The following PDE4D variants were observed in gnomAD, a reference collection of about 807,000 sequenced individuals.
The protein encoded by PDE4D is phosphodiesterase 4D, also known as 3',5'-cyclic-AMP phosphodiesterase 4D.
PDE4D carries 24 observed loss-of-function variants against 87.4 expected under a neutral mutation model. That is an observed-to-expected ratio of 0.27 (90% CI 0.20 to 0.39). The LOEUF is 0.39. Among genes scored for constraint, PDE4D ranks in the 10% least tolerant of loss-of-function variants. The pLI, the probability that PDE4D is intolerant of heterozygous loss-of-function variation, is 1.00. For synonymous variants in PDE4D, 384 were observed against 383.2 expected, an observed-to-expected ratio of 1.00 and a Z score of -0.02; for missense variants, 714 against 1,041.0, an observed-to-expected ratio of 0.69 and a Z score of 4.32.
chr5:59,883,665 G>A (rs1005529586), intron 1 of PDE4D, among the ~76,000 whole-genome samples: 1 of 152,032 alleles, frequency 6.6e-6, no homozygotes, highest in African/African-American at 2.4e-5. Flanking sequence ...AATTCTCAGA[G>A]TTAATAGCAA....
At chr5:59,969,910 T>A (rs1329981463) in intron 3 of PDE4D, among the ~76,000 whole-genome samples, 1 of 152,196 alleles carries the variant, frequency 6.6e-6, no homozygotes, top group African/African-American at 2.4e-5. Flanking sequence ...TTTATAGCAG[T>A]GTGAGAACGG....
chr5:59,743,630 A>G (rs764555240), intron 1 of PDE4D, among the ~76,000 whole-genome samples: 2 of 152,062 alleles, frequency 1.3e-5, no homozygotes, highest in African/African-American at 2.4e-5. Flanking sequence ...ATGAAAAAAT[A>G]TATTAAAAAT....
intron 5 of PDE4D, chr5:59,157,365 A>G (rs780064617): frequency 1.3e-5 from 9 of 702,418 alleles, no homozygotes; most frequent in Non-Finnish European, 2.3e-5. Flanking sequence ...CCAGGATCCT[A>G]AGGAAAAAGA....
chr5:59,418,644 A>C (rs1336392700), intron 1 of PDE4D, among the ~76,000 whole-genome samples: 1 of 151,166 alleles, frequency 6.6e-6, no homozygotes, highest in African/African-American at 2.5e-5. Context: ...GGATTTACCT[A>C]ACAATTTTTT....
intron 6 of PDE4D, among the ~76,000 whole-genome samples, chr5:59,001,542 A>G (rs1457279720): frequency 6.6e-6 from 1 of 152,202 alleles, no homozygotes; most frequent in Non-Finnish European, 1.5e-5. Flanking sequence ...AGCTACCCCC[A>G]GAGGAATACT....
At chr5:59,726,640 TTTG>T (rs1396729900) in intron 1 of PDE4D, among the ~76,000 whole-genome samples, 30 of 152,250 alleles carry the variant, frequency 2.0e-4, no homozygotes, top group Non-Finnish European at 4.4e-5. Flanking sequence ...ATTATAGTAT[TTTG>T]TTGTAGCAGC....
intron 1 of PDE4D, among the ~76,000 whole-genome samples, chr5:59,852,602 G>A (rs766970770): frequency 6.6e-6 from 1 of 152,058 alleles, no homozygotes; most frequent in Admixed American, 6.6e-5. Flanking sequence ...AATATCATGA[G>A]AGAGTCAGCT....
intron 1 of PDE4D, among the ~76,000 whole-genome samples, chr5:59,723,624 G>C (rs1344533582): frequency 6.6e-6 from 1 of 152,076 alleles, no homozygotes; most frequent in Non-Finnish European, 1.5e-5. Flanking sequence ...GGAATGGCAA[G>C]GGCCTATTTG....
chr5:59,216,012 A>G, intron 1 of PDE4D, 44 bp from the exon 2 acceptor site: 3 of 1,414,474 alleles, frequency 2.1e-6, no homozygotes, highest in Non-Finnish European at 2.9e-6. Flanking sequence ...GAACATTCAC[A>G]TGTTCATATT....
At chr5:59,472,547 G>A (rs1036216474) in intron 1 of PDE4D, among the ~76,000 whole-genome samples, 3 of 152,004 alleles carry the variant, frequency 2.0e-5, no homozygotes, top group Non-Finnish European at 2.9e-5. Context: ...CATCTCCTGC[G>A]AATATACGAA....
At chr5:59,024,965 A>T (rs1157669266) in intron 6 of PDE4D, among the ~76,000 whole-genome samples, 1 of 152,082 alleles carries the variant, frequency 6.6e-6, no homozygotes, top group Admixed American at 6.6e-5. Flanking sequence ...TTAACAAGGG[A>T]GGGGACTAGT....
intron 1 of PDE4D, among the ~76,000 whole-genome samples, chr5:59,541,772 C>G (rs1243744676): frequency 6.6e-6 from 1 of 152,250 alleles, no homozygotes; most frequent in African/African-American, 2.4e-5. Flanking sequence ...TTCCCTTCAG[C>G]TGAATCTACT....
intron 2 of PDE4D, among the ~76,000 whole-genome samples, chr5:60,011,319 T>C (rs979191647): frequency 6.6e-6 from 1 of 152,124 alleles, no homozygotes; most frequent in Non-Finnish European, 1.5e-5. Context: ...TGAATATCTA[T>C]GTGGCATGAG....
chr5:59,966,813 T>C lies in PDE4D; in HGVS notation c.272+21675A>G, dbSNP rs578080463. ...ATGTGACAATACATATTATTTTGAA[T>C]GGACAAGGGTTTTAGTTAATGGTGC... is the stretch of plus-strand genomic sequence containing the variant. On this transcript the variant is annotated intron_variant, in intron 3 of 16. Coordinates refer to the PDE4D transcript ENST00000502484. Among the ~76,000 whole-genome samples, 18 of 152,354 alleles carry C rather than the reference T, an allele frequency of 1.2e-4. No individual in the cohort carries two copies. The East Asian group carries it at 1.3e-3, about 11-fold the overall frequency.
At chr5:60,288,297 C>T (rs1752599410) in intron 1 of PDE4D, among the ~76,000 whole-genome samples, 2 of 152,100 alleles carry the variant, frequency 1.3e-5, no homozygotes, top group Admixed American at 6.5e-5. Flanking sequence ...CATTATTTGC[C>T]CCATGGTGGT....
chr5:59,027,918 A>AAT (rs1177891714), intron 6 of PDE4D, among the ~76,000 whole-genome samples: 1 of 151,938 alleles, frequency 6.6e-6, no homozygotes, highest in Non-Finnish European at 1.5e-5. Context: ...AGAGCAAGGA[A>AAT]ATATTTGTGT....
At chr5:60,215,059 G>A (rs1743697297) in intron 1 of PDE4D, among the ~76,000 whole-genome samples, 1 of 152,084 alleles carries the variant, frequency 6.6e-6, no homozygotes, top group Non-Finnish European at 1.5e-5. Flanking sequence ...TAATTTATGA[G>A]GTAGGCTAAC....
At chr5:59,149,614 A>G (rs1404635562) in intron 5 of PDE4D, among the ~76,000 whole-genome samples, 1 of 148,826 alleles carries the variant, frequency 6.7e-6, no homozygotes, top group Non-Finnish European at 1.5e-5. Context: ...AGTCCTTAAG[A>G]TTTTAGTGTT....
At chr5:59,067,015 T>C (rs1561422699) in intron 5 of PDE4D, among the ~76,000 whole-genome samples, 1 of 151,146 alleles carries the variant, frequency 6.6e-6, no homozygotes, top group African/African-American at 2.4e-5. Flanking sequence ...TTTATTTATT[T>C]ATTTATTTAT....
Sources: gnomAD v4.1 joint callset for allele counts (sites outside exome capture counted in the v4.1 genomes callset) on GRCh38, gnomAD v4.1.1 for gene constraint, MANE v1.5 for transcripts, NCBI Gene and HGNC (gene_info 2026-07-23, HGNC 2026-07-21) for gene names.